The following KARS1 variants were observed in gnomAD, a reference collection of about 807,000 sequenced individuals.
KARS1 encodes lysine--tRNA ligase.
A neutral mutation model predicts 63.9 loss-of-function variants in KARS1; 50 were observed. That is an observed-to-expected ratio of 0.78 (90% CI 0.62 to 0.99). The LOEUF (loss-of-function observed/expected upper bound fraction) is 0.99. KARS1 is among the 50% of genes least tolerant of loss of function. KARS1 has a pLI of 0.00. For missense variants in KARS1, 816 were observed against 754.5 expected (o/e 1.08, Z -0.95); for synonymous variants, 320 against 264.6 (o/e 1.21, Z -2.03).
intron 11 of KARS1, among the ~76,000 whole-genome samples, chr16:75,629,924 C>T (rs2082093383): frequency 1.3e-5 from 2 of 152,194 alleles, no homozygotes; most frequent in South Asian, 4.1e-4. Context: ...TTTGGTACAA[C>T]GGTGAGGAGG....
chr16:75,630,080 G>C (rs577743345), intron 11 of KARS1, among the ~76,000 whole-genome samples: 1 of 152,192 alleles, frequency 6.6e-6, no homozygotes, highest in African/African-American at 2.4e-5. Context: ...TTTGGCCAAT[G>C]GGTTATCACC....
chr16:75,647,372 G>A, intron 1 of KARS1: 1 of 649,702 alleles, frequency 1.5e-6, no homozygotes, highest in Non-Finnish European at 2.8e-6. Flanking sequence ...CATCCCGCCG[G>A]TGCCAGCTGG....
At chr16:75,628,036 C>G (rs1187806936) in intron 13 of KARS1, 43 bp from the exon 14 acceptor site, 9 of 1,200,104 alleles carry the variant, frequency 7.5e-6, no homozygotes, top group Non-Finnish European at 1.1e-5. Flanking sequence ...GAAGCACTCT[C>G]AACATTTTTT....
intron 4 of KARS1, 71 bp from the exon 5 acceptor site, chr16:75,636,169 C>T: frequency 3.1e-6 from 3 of 973,952 alleles, no homozygotes; most frequent in East Asian, 2.6e-5. Context: ...TCCTCTGGAA[C>T]CCTCACTCAA....
At position 75,641,585 on chromosome 16, in the gene KARS1, C is replaced by T. The variant is rs759467580; in HGVS notation, c.201G>A (p.Glu67=). 6.2e-7 allele frequency: 1 copy of T among 1,613,934 alleles called. No homozygotes were observed. The highest frequency in any genetic ancestry group is 8.5e-7 in the Non-Finnish European group (1 of 1,179,938). The change falls in exon 2 of 14, where the codon GAG becomes GAA. Residue 67 remains glutamate (E), a synonymous_variant. Transcript: ENST00000302445. ...NHTTDNGVGP[E]EESVDPNQYY... ...TCACATTTGGGTCCACGCTCTCTTCCTCAGGACCCACACCATTATCAGTGG... is the reference window on the plus strand; with the variant it reads ...TCACATTTGGGTCCACGCTCTCTTCTTCAGGACCCACACCATTATCAGTGG...
At chr16:75,634,618 C>T (rs1049091349) in intron 6 of KARS1, among the ~76,000 whole-genome samples, 9 of 152,120 alleles carry the variant, frequency 5.9e-5, no homozygotes, top group Non-Finnish European at 1.2e-4. Context: ...CTCTGTTGCC[C>T]AGGCTGGAGT....
In KARS1 at chr16:75,636,549, T is replaced by A; in HGVS notation, c.389-2A>T. The A allele has an allele frequency of 6.3e-7, 1 of 1,593,164 alleles. No homozygotes were observed. The highest frequency in any genetic ancestry group is 8.6e-7 in the Non-Finnish European group (1 of 1,161,604). ...AAGCTCTTTTGGCATGGATCCTACC[T>A]AGAAAAAGAAGAGCAAAAATACTGA... On this transcript the variant is annotated splice_acceptor_variant, in intron 3 of 13. Coordinates refer to ENST00000302445, the MANE Select transcript of KARS1 (RefSeq NM_005548.3). LOFTEE classifies it high-confidence loss of function.
chr16:75,634,645 G>A (rs764753141), intron 6 of KARS1, among the ~76,000 whole-genome samples: 10 of 152,042 alleles, frequency 6.6e-5, no homozygotes, highest in African/African-American at 2.4e-4. Flanking sequence ...GCGCGATCTC[G>A]GCTCATGGCA....
At position 75,631,504 on chromosome 16, in the gene KARS1, G is replaced by C; in HGVS notation, c.1164C>G (p.Thr388=). 6.2e-7 allele frequency: 1 copy of C among 1,614,138 alleles called. No individual in the cohort carries two copies. The highest frequency in any genetic ancestry group is 2.2e-5 in the East Asian group (1 of 44,884). Residue 388 remains threonine, a synonymous_variant, in exon 9 of 14, where the codon ACC becomes ACG. Transcript: ENST00000302445. The part of the protein sequence containing the change: ...PEGQAYDVDF[T]PPFRRINMVE... ...CCATGTTGATTCGCCGGAAGGGTGG[G>C]GTGAAGTCAACATCGTAGGCTTGGC...
At chr16:75,638,151 G>GA (rs1250687657) in intron 3 of KARS1, among the ~76,000 whole-genome samples, 21 of 149,370 alleles carry the variant, frequency 1.4e-4, no homozygotes, top group Middle Eastern at 3.5e-3. Context: ...GATAGAAGGA[G>GA]AATAACACCC....
chr16:75,635,121 G>C (rs2082148833), intron 6 of KARS1, among the ~76,000 whole-genome samples: 1 of 152,048 alleles, frequency 6.6e-6, no homozygotes, highest in Non-Finnish European at 1.5e-5. Context: ...ATAAAAGCAG[G>C]TCCATCACAA....
rs541235961 is a variant in KARS1 at position 75,638,221 on chromosome 16, T to C, written c.389-1674A>G. 9.9e-5 allele frequency among the ~76,000 whole-genome samples: 15 copies of C among 152,206 alleles called. No homozygotes were observed. The South Asian group carries it at 2.5e-3, about 25-fold the overall frequency. On this transcript the variant is annotated intron_variant, in intron 3 of 13. Transcript: ENST00000302445. Reference sequence around the variant, plus strand: ...GCTTAGAAAAACAAAAAGTTCCTTTTTTTTTTTTTATTTTACTTTAAGTTC... The same window carrying C: ...GCTTAGAAAAACAAAAAGTTCCTTTCTTTTTTTTTATTTTACTTTAAGTTC...
intron 1 of KARS1, among the ~76,000 whole-genome samples, chr16:75,645,021 G>A (rs1423336411): frequency 6.6e-6 from 1 of 152,164 alleles, no homozygotes; most frequent in African/African-American, 2.4e-5. Context: ...ACACTGGAAG[G>A]CAACAGAATT....
At chr16:75,634,323 T>C (rs1277501103) in intron 6 of KARS1, 31 bp from the exon 7 acceptor site, 3 of 1,612,368 alleles carry the variant, frequency 1.9e-6, no homozygotes, top group Middle Eastern at 1.7e-4. Flanking sequence ...CATCAGTCCT[T>C]AGATAACCAG....
chr16:75,636,165 G>A, intron 4 of KARS1, 67 bp from the exon 5 acceptor site: 1 of 1,006,042 alleles, frequency 9.9e-7, no homozygotes, highest in Non-Finnish European at 1.5e-6. Flanking sequence ...GGTCTCCTCT[G>A]GAACCCTCAC....
intron 1 of KARS1, among the ~76,000 whole-genome samples, chr16:75,645,903 C>T (rs76937292): frequency 0.031 from 4,612 of 149,672 alleles, 95 homozygotes; most frequent in Middle Eastern, 0.059. Context: ...TTTCCGTTTA[C>T]CTAAAAACAC....
chr16:75,634,637 G>A (rs2082144589), intron 6 of KARS1, among the ~76,000 whole-genome samples: 1 of 152,092 alleles, frequency 6.6e-6, no homozygotes, highest in African/African-American at 2.4e-5. Flanking sequence ...GTGCAGCAGC[G>A]CGATCTCGGC....
At chr16:75,647,258 G>A (rs982937068) in intron 1 of KARS1, among the ~76,000 whole-genome samples, 1 of 152,270 alleles carries the variant, frequency 6.6e-6, no homozygotes, top group Non-Finnish European at 1.5e-5. Context: ...TCAGAAAGGA[G>A]GATGAAGCTA....
Position 75,638,924 on chromosome 16 carries a change from T to C in KARS1, c.388+1260A>G, listed in dbSNP as rs370332954. Among the ~76,000 whole-genome samples, 8 of 152,280 alleles carry C rather than the reference T, an allele frequency of 5.3e-5. No homozygotes were observed. The East Asian group carries it at 5.8e-4, about 11-fold the overall frequency. On this transcript the variant is annotated intron_variant, in intron 3 of 13. Coordinates refer to ENST00000302445, the MANE Select transcript of KARS1 (RefSeq NM_005548.3). ...GGCTCATGCCTGTAATCCCAGCACTTTGGAAGGCCGTGGCAGGTGGATCAC... is the reference window on the plus strand; with the variant it reads ...GGCTCATGCCTGTAATCCCAGCACTCTGGAAGGCCGTGGCAGGTGGATCAC...
Sources: allele counts gnomAD v4.1 joint callset (sites outside exome capture counted in the v4.1 genomes callset), GRCh38; gene constraint gnomAD v4.1.1; transcripts MANE v1.5; gene names NCBI Gene and HGNC (gene_info 2026-07-23, HGNC 2026-07-21).